Variants in PARD3 observed in about 807,000 individuals in gnomAD.
The protein encoded by PARD3 is par-3 family cell polarity regulator.
In PARD3, 75 loss-of-function variants were observed where a neutral mutation model predicts 155.4. The ratio of observed to expected loss-of-function variants is 0.48; its 90% CI spans 0.40 to 0.58. The LOEUF (loss-of-function observed/expected upper bound fraction) is 0.58. Among genes scored for constraint, PARD3 ranks in the 20% least tolerant of loss-of-function variants. The probability of loss-of-function intolerance (pLI) is 0.00; values close to 1 mark genes in which losing one functional copy is unlikely to be tolerated. For missense variants in PARD3, 1,642 were observed against 1,721.7 expected, an observed-to-expected ratio of 0.95 and a Z score of 0.82; for synonymous variants, 576 against 610.5, an observed-to-expected ratio of 0.94 and a Z score of 0.83.
At chr10:34,465,706 CTATGT>C (rs1173401286) in intron 4 of PARD3, among the ~76,000 whole-genome samples, 1 of 152,082 alleles carries the variant, frequency 6.6e-6, no homozygotes, top group Non-Finnish European at 1.5e-5. Context: ...CTAAGTCTAC[CTATGT>C]TAATTGTTTA....
At chr10:34,766,581 C>G (rs960261941) in intron 1 of PARD3, among the ~76,000 whole-genome samples, 1 of 144,322 alleles carries the variant, frequency 6.9e-6, no homozygotes, top group Non-Finnish European at 1.5e-5. Flanking sequence ...AGCCAAGATT[C>G]CTACCAGCTC....
intron 20 of PARD3, among the ~76,000 whole-genome samples, chr10:34,311,797 T>C (rs931771407): frequency 2.6e-5 from 4 of 152,136 alleles, no homozygotes; most frequent in Non-Finnish European, 4.4e-5. Flanking sequence ...ACAAAGGGAC[T>C]GAAACCTTTG....
At chr10:34,389,143 C>T (rs907437799) in intron 7 of PARD3, among the ~76,000 whole-genome samples, 5 of 149,736 alleles carry the variant, frequency 3.3e-5, no homozygotes, top group African/African-American at 9.9e-5. Context: ...ACACTAGATC[C>T]GCTGCATACA....
At chr10:34,128,205 G>C (rs1030759352) in intron 23 of PARD3, among the ~76,000 whole-genome samples, 1 of 151,988 alleles carries the variant, frequency 6.6e-6, no homozygotes, top group African/African-American at 2.4e-5. Context: ...GTTGACCCTT[G>C]AACACCATGA....
intron 1 of PARD3, among the ~76,000 whole-genome samples, chr10:34,793,219 C>T (rs545653141): frequency 2.6e-5 from 4 of 152,160 alleles, no homozygotes; most frequent in Admixed American, 2.6e-4. Context: ...ATGGGAGAGC[C>T]AAGAGGAGAG....
rs187483074 is a variant in PARD3 at position 34,784,167 on chromosome 10, C to A, written c.120+30709G>T. The stretch of plus-strand genomic sequence containing the variant: ...TGGAGGCTGCAGTGAGCTGTGACCA[C>A]GCCACTGTACTCCATCCTGGGTGAT... On this transcript the variant is annotated intron_variant, in intron 1 of 24. Transcript: ENST00000374788. Among the ~76,000 whole-genome samples the A allele has an allele frequency of 2.0e-5, 3 of 152,110 alleles. No homozygotes were observed. In the East Asian group the frequency reaches 5.8e-4, roughly 29 times the overall value.
intron 1 of PARD3, among the ~76,000 whole-genome samples, chr10:34,725,153 CAGAGAGAG>C (rs34163907): frequency 4.7e-5 from 6 of 127,464 alleles, no homozygotes; most frequent in South Asian, 2.6e-4. Context: ...GTGTGTGTGA[CAGAGAGAG>C]AGAGAGAGAG....
rs745426397 is a variant in PARD3, at chr10:34,337,311, C to T, written c.2524G>A (p.Val842Ile). 1.5e-5 allele frequency: 24 copies of T among 1,600,526 alleles called. No homozygotes were observed. Among genetic ancestry groups the T allele is most frequent in the Middle Eastern group, 1.7e-4 (1 of 6,050 alleles). The stretch of plus-strand genomic sequence containing the variant: ...ATGCTTTTTGATTTTCGTGTTTTAA[C>T]GAAATCCAATTGACTGGCATCTGAA... Reference protein sequence around the residue: ...QFSDASQLDFVKTRKSKSMDL... With the variant: ...QFSDASQLDFIKTRKSKSMDL... The change falls in exon 17 of 25, where the codon GTT becomes ATT. Residue 842 changes from valine to isoleucine, a missense_variant. Val to Ile is a conservative substitution (Grantham distance 29, BLOSUM62 3). Coordinates refer to ENST00000374788, the MANE Select transcript of PARD3 (RefSeq NM_001184785.2).
chr10:34,186,818 C>T (rs1409403147), intron 22 of PARD3, among the ~76,000 whole-genome samples: 1 of 152,132 alleles, frequency 6.6e-6, no homozygotes, highest in Non-Finnish European at 1.5e-5. Flanking sequence ...GCTGAGGTCT[C>T]CCCTCTCCAC....
At chr10:34,565,396 T>C (rs1168778693) in intron 2 of PARD3, among the ~76,000 whole-genome samples, 1 of 149,556 alleles carries the variant, frequency 6.7e-6, no homozygotes, top group Non-Finnish European at 1.5e-5. Context: ...GCCTCTCGAG[T>C]AGCTGGGATT....
chr10:34,133,623 C>T (rs1323005392), intron 22 of PARD3, among the ~76,000 whole-genome samples: 1 of 152,188 alleles, frequency 6.6e-6, no homozygotes, highest in East Asian at 1.9e-4. Flanking sequence ...GTTCTGCTGG[C>T]TGCACCCCTC....
Position 34,387,010 on chromosome 10 carries a change from C to T in PARD3, c.891-2756G>A, listed in dbSNP as rs572832064. On this transcript the variant is annotated intron_variant, in intron 7 of 24. Coordinates refer to ENST00000374788, the MANE Select transcript of PARD3 (RefSeq NM_001184785.2). ...TCACCCACAGGTAATCATAACAGAA[C>T]CACATGTGAGGTGCCACAGCTGTAG... Among the ~76,000 whole-genome samples, 3 of 152,180 alleles carry T rather than the reference C, an allele frequency of 2.0e-5. No homozygotes were observed. In the South Asian group the frequency reaches 6.2e-4, roughly 32 times the overall value.
At chr10:34,797,046 G>C (rs1454548642) in intron 1 of PARD3, among the ~76,000 whole-genome samples, 1 of 152,194 alleles carries the variant, frequency 6.6e-6, no homozygotes, top group East Asian at 1.9e-4. Context: ...CAGACCCATG[G>C]TTAGGTTCAT....
rs558685983 is a variant in PARD3 at position 34,418,464 on chromosome 10, G to A, written c.715-16547C>T. On this transcript the variant is annotated intron_variant, in intron 5 of 24. Transcript: ENST00000374788. Reference sequence around the variant, plus strand: ...GCTGGGACTACAGGTGTGAGTCACCGCACCCAGCATATATTCTTTATTTTG... The same window carrying A: ...GCTGGGACTACAGGTGTGAGTCACCACACCCAGCATATATTCTTTATTTTG... Among the ~76,000 whole-genome samples, 22 of 152,192 alleles carry A rather than the reference G, an allele frequency of 1.4e-4. 1 individual carries two copies. The highest frequency in any genetic ancestry group is 1.2e-3 in the Admixed American group (19 of 15,266).
At chr10:34,806,674 G>C (rs887107023) in intron 1 of PARD3, among the ~76,000 whole-genome samples, 4 of 152,174 alleles carry the variant, frequency 2.6e-5, no homozygotes, top group African/African-American at 9.7e-5. Context: ...GCATCCATTT[G>C]ACCTGGAGAG....
intron 1 of PARD3, among the ~76,000 whole-genome samples, chr10:34,697,765 A>AC (rs1263457542): frequency 9.0e-5 from 10 of 110,990 alleles, no homozygotes; most frequent in Admixed American, 2.9e-4. Flanking sequence ...TTTGTAAAAC[A>AC]AACACTCACA....
At chr10:34,527,918 C>T (rs1417494071) in intron 2 of PARD3, among the ~76,000 whole-genome samples, 1 of 152,206 alleles carries the variant, frequency 6.6e-6, no homozygotes, top group Non-Finnish European at 1.5e-5. Context: ...GTGTCCTTGA[C>T]ATTAGCCTAA....
At chr10:34,388,848 T>C (rs1842604050) in intron 7 of PARD3, among the ~76,000 whole-genome samples, 1 of 152,120 alleles carries the variant, frequency 6.6e-6, no homozygotes, top group African/African-American at 2.4e-5. Flanking sequence ...TGGGGAATGG[T>C]TCCAAGAGCA....
At chr10:34,787,211 T>A (rs764699056) in intron 1 of PARD3, among the ~76,000 whole-genome samples, 8 of 152,008 alleles carry the variant, frequency 5.3e-5, no homozygotes, top group Non-Finnish European at 1.2e-4. Flanking sequence ...AAACCCCAAC[T>A]CTACTAACAA....
Sources: allele counts gnomAD v4.1 joint callset (sites outside exome capture counted in the v4.1 genomes callset), GRCh38; gene constraint gnomAD v4.1.1; transcripts MANE v1.5; gene names NCBI Gene and HGNC (gene_info 2026-07-23, HGNC 2026-07-21).